SMCHD1: variants seen among roughly 807,000 people sequenced by gnomAD.
SMCHD1 encodes the protein structural maintenance of chromosomes flexible hinge domain containing 1.
A neutral mutation model predicts 254.7 loss-of-function variants in SMCHD1; 78 were observed. That is an observed-to-expected ratio of 0.31 (90% CI 0.26 to 0.37). The LOEUF (loss-of-function observed/expected upper bound fraction) is 0.37, where lower values mean the gene tolerates loss of function less well. Among genes scored for constraint, SMCHD1 ranks in the 10% least tolerant of loss-of-function variants. SMCHD1 has a pLI of 1.00. For synonymous variants in SMCHD1, 766 were observed against 794.9 expected, an observed-to-expected ratio of 0.96 and a Z score of 0.61; for missense variants, 1,840 against 2,408.1, an observed-to-expected ratio of 0.76 and a Z score of 4.94.
chr18:2,671,626 C>T (rs1433863896), intron 3 of SMCHD1, among the ~76,000 whole-genome samples: 22 of 135,560 alleles, frequency 1.6e-4, no homozygotes, highest in African/African-American at 5.7e-4. Flanking sequence ...GACAGAGTCT[C>T]GCTCTGTCGC....
chr18:2,670,949 T>TG (rs2073580448), intron 3 of SMCHD1, among the ~76,000 whole-genome samples: 2 of 150,822 alleles, frequency 1.3e-5, no homozygotes, highest in Non-Finnish European at 3.0e-5. Context: ...TCTTTTTTTT[T>TG]TTTTTTGAGA....
chr18:2,670,369 G>A (rs1303664599), intron 3 of SMCHD1, among the ~76,000 whole-genome samples: 1 of 151,974 alleles, frequency 6.6e-6, no homozygotes, highest in African/African-American at 2.4e-5. Context: ...ACAAAACTTA[G>A]TCTATTTAAT....
intron 12 of SMCHD1, chr18:2,701,220 G>C (rs2074393920): frequency 5.6e-6 from 1 of 180,036 alleles, no homozygotes; most frequent in East Asian, 1.4e-4. Context: ...GATTGCAGTG[G>C]CTCAATCTCA....
At chr18:2,782,032 A>G (rs1419210833) in intron 44 of SMCHD1, among the ~76,000 whole-genome samples, 2 of 152,224 alleles carry the variant, frequency 1.3e-5, no homozygotes, top group Non-Finnish European at 2.9e-5. Context: ...CGTGACAAAA[A>G]AGGAATAGAA....
chr18:2,658,498 A>G (rs987339670), intron 1 of SMCHD1, among the ~76,000 whole-genome samples: 1 of 152,220 alleles, frequency 6.6e-6, no homozygotes, highest in African/African-American at 2.4e-5. Flanking sequence ...TGGAAAACCA[A>G]GGAAAATATT....
At chr18:2,707,136 G>T (rs902337876) in intron 15 of SMCHD1, among the ~76,000 whole-genome samples, 8 of 152,146 alleles carry the variant, frequency 5.3e-5, no homozygotes, top group Non-Finnish European at 1.5e-5. Flanking sequence ...TTCGGATGGG[G>T]ACACAGAGCC....
intron 17 of SMCHD1, among the ~76,000 whole-genome samples, chr18:2,717,713 C>T (rs772455246): frequency 1.9e-4 from 29 of 152,250 alleles, no homozygotes; most frequent in Middle Eastern, 3.4e-3. Flanking sequence ...AGGTTGACTG[C>T]TTTTCTCTCT....
At position 2,728,643 on chromosome 18, in the gene SMCHD1, G is replaced by T. The variant is rs778745436; in HGVS notation, c.2913+47G>T. The T allele has an allele frequency of 4.4e-6, 7 of 1,578,142 alleles. No homozygotes were observed. In the East Asian group the frequency reaches 1.4e-4, roughly 31 times the overall value. ...TAGATTGAGTCCCATTGTAGTAAGT[G>T]GCAATGACTATTTTAGCCACTTAAT... On this transcript the variant is annotated intron_variant, in intron 23 of 47. Transcript: ENST00000320876.
chr18:2,724,789 T>C, intron 20 of SMCHD1, 110 bp from the exon 21 acceptor site: 1 of 454,798 alleles, frequency 2.2e-6, no homozygotes, highest in Non-Finnish European at 3.8e-6. Flanking sequence ...ATTTAAAAAA[T>C]ATTTTATTAG....
intron 45 of SMCHD1, among the ~76,000 whole-genome samples, chr18:2,787,728 C>T (rs1303098581): frequency 6.6e-6 from 1 of 152,142 alleles, no homozygotes; most frequent in Non-Finnish European, 1.5e-5. Flanking sequence ...TTCAAAGATA[C>T]ACTCCCACAT....
chr18:2,751,309 C>T lies in SMCHD1; in HGVS notation c.4197C>T (p.Asp1399=). Residue 1399 remains aspartate (D), a synonymous_variant, in exon 33 of 48, where the codon GAC becomes GAT. Coordinates refer to ENST00000320876, the MANE Select transcript of SMCHD1 (RefSeq NM_015295.3). ...DFMISVISED[D]SIIKNINPAR... ...TGATTAGTGTTATTTCTGAAGATGA[C>T]AGTATCATTAAAAACATTAATCCAG... The T allele has an allele frequency of 6.3e-7, 1 of 1,575,140 alleles. No individual in the cohort carries two copies. The highest frequency in any genetic ancestry group is 8.6e-7 in the Non-Finnish European group (1 of 1,164,958).
intron 34 of SMCHD1, among the ~76,000 whole-genome samples, chr18:2,753,462 T>C (rs1432315934): frequency 6.6e-6 from 1 of 152,232 alleles, no homozygotes; most frequent in Non-Finnish European, 1.5e-5. Flanking sequence ...GGTCATAAGT[T>C]CATAGATGTG....
intron 42 of SMCHD1, among the ~76,000 whole-genome samples, chr18:2,776,703 G>A (rs2076072038): frequency 6.6e-6 from 1 of 152,092 alleles, no homozygotes. Context: ...GGAGAATGGT[G>A]TCTCATTAAG....
chr18:2,703,898 T>G lies in SMCHD1; in HGVS notation c.1842+12T>G, dbSNP rs2074457016. On this transcript the variant is annotated intron_variant, in intron 13 of 47. Transcript: ENST00000320876. ...AAGCAGGACAGCTGGTAGGTTTAAC[T>G]TATTGTCACTTTTTTCTTATAATTT... 1 of 1,525,948 alleles carries G rather than the reference T, an allele frequency of 6.6e-7. No individual in the cohort carries two copies. The highest frequency in any genetic ancestry group is 1.4e-5 in the African/African-American group (1 of 71,260). The allele number at this position is 1,525,948 out of a possible 1,614,324, so 94.5% of individuals were successfully genotyped here. A position where few individuals can be genotyped will look rare whatever the true frequency, so the allele number is the denominator to read the frequency against.
At chr18:2,792,445 C>T (rs371033086) in intron 45 of SMCHD1, among the ~76,000 whole-genome samples, 2 of 152,108 alleles carry the variant, frequency 1.3e-5, no homozygotes, top group East Asian at 3.9e-4. Context: ...GACGAAATAA[C>T]CTAATGAAAC....
At chr18:2,707,728 T>G (rs534587107) in intron 16 of SMCHD1, 79 bp from the exon 17 acceptor site, 130 of 1,473,034 alleles carry the variant, frequency 8.8e-5, no homozygotes, top group Non-Finnish European at 1.2e-4. Flanking sequence ...TCACGAGATA[T>G]TAAAATGCAA....
intron 24 of SMCHD1, among the ~76,000 whole-genome samples, chr18:2,731,849 G>T (rs527820728): frequency 2.0e-5 from 3 of 152,004 alleles, no homozygotes; most frequent in Non-Finnish European, 4.4e-5. Context: ...CATCTCTGCT[G>T]AAAATACAAA....
At chr18:2,705,211 T>TTGGGAATTTCTGAATTGGAGTAG (rs2074486657) in intron 13 of SMCHD1, among the ~76,000 whole-genome samples, 1 of 152,190 alleles carries the variant, frequency 6.6e-6, no homozygotes. Flanking sequence ...ATAGTCCTTG[T>TTGGGAATTTCTGAATTGGAGTAG]TGGGAATTTC....
In SMCHD1 at chr18:2,797,429, G is replaced by A. The variant is rs530201528; in HGVS notation, c.5993+908G>A. 5.9e-5 allele frequency among the ~76,000 whole-genome samples: 9 copies of A among 152,248 alleles called. No individual in the cohort carries two copies. In the South Asian group the frequency reaches 1.4e-3, roughly 25 times the overall value. On this transcript the variant is annotated intron_variant, in intron 47 of 47. Transcript: ENST00000320876. ...CTGAATATGTTTTCTCATATCAACC[G>A]TAGAGGAATTCCCTTGAAACTATGG...
Sources: gnomAD v4.1 joint callset for allele counts (sites outside exome capture counted in the v4.1 genomes callset) on GRCh38, gnomAD v4.1.1 for gene constraint, MANE v1.5 for transcripts, NCBI Gene and HGNC (gene_info 2026-07-23, HGNC 2026-07-21) for gene names.